SGCZ: variants seen among roughly 807,000 people sequenced by gnomAD.
The protein encoded by SGCZ is sarcoglycan zeta.
In SGCZ, 40 loss-of-function variants were observed where a neutral mutation model predicts 41.3. The ratio of observed to expected loss-of-function variants is 0.97; its 90% CI spans 0.75 to 1.26. The LOEUF is 1.26. Ranked by LOEUF, SGCZ falls within the 50% of genes most tolerant of loss-of-function variation. The probability of loss-of-function intolerance (pLI) is 0.00; values close to 1 mark genes in which losing one functional copy is unlikely to be tolerated. For missense variants in SGCZ, 552 were observed against 369.8 expected, an observed-to-expected ratio of 1.49 and a Z score of -4.04; for synonymous variants, 206 against 137.5, an observed-to-expected ratio of 1.50 and a Z score of -3.49.
At chr8:14,250,490 T>C (rs914429536) in intron 3 of SGCZ, among the ~76,000 whole-genome samples, 4 of 152,104 alleles carry the variant, frequency 2.6e-5, no homozygotes, top group Admixed American at 2.0e-4. Context: ...GCAGAAGTGA[T>C]ATAGGACATT....
At chr8:14,359,881 A>G (rs1389809105) in intron 2 of SGCZ, among the ~76,000 whole-genome samples, 28 of 152,186 alleles carry the variant, frequency 1.8e-4, no homozygotes, top group African/African-American at 2.4e-5. Context: ...ATGCTGGCAA[A>G]TCAAATTCAT....
At chr8:14,798,469 C>G (rs894783359) in intron 1 of SGCZ, among the ~76,000 whole-genome samples, 4 of 151,952 alleles carry the variant, frequency 2.6e-5, no homozygotes, top group Non-Finnish European at 4.4e-5. Context: ...ATGCAACTTA[C>G]AGAAGACAGA....
At chr8:14,561,219 T>G (rs1182615717) in intron 1 of SGCZ, among the ~76,000 whole-genome samples, 3 of 152,182 alleles carry the variant, frequency 2.0e-5, no homozygotes, top group African/African-American at 7.2e-5. Context: ...ATTGCCATTT[T>G]TAAGCATTAA....
Position 14,528,683 on chromosome 8 carries a change from C to T in SGCZ, c.234+26049G>A, listed in dbSNP as rs542729788. 2.6e-5 allele frequency among the ~76,000 whole-genome samples: 4 copies of T among 152,024 alleles called. No homozygotes were observed. In the East Asian group the frequency reaches 7.8e-4, roughly 30 times the overall value. ...AATCACTTATATGAGAAAACTGATA[C>T]TTGCAGCGGGAAGAAGCTGAGGTTG... On this transcript the variant is annotated intron_variant, in intron 2 of 7. Transcript: ENST00000382080.
At chr8:14,525,615 T>C (rs1802922959) in intron 2 of SGCZ, among the ~76,000 whole-genome samples, 1 of 152,140 alleles carries the variant, frequency 6.6e-6, no homozygotes, top group African/African-American at 2.4e-5. Context: ...CACTCATATA[T>C]ACTTCTTGAC....
At chr8:14,982,212 G>A (rs535195056) in intron 1 of SGCZ, among the ~76,000 whole-genome samples, 1 of 151,938 alleles carries the variant, frequency 6.6e-6, no homozygotes, top group Admixed American at 6.6e-5. Context: ...AGACTGAAAT[G>A]GATCATTTTT....
intron 1 of SGCZ, among the ~76,000 whole-genome samples, chr8:14,665,447 A>G (rs1807880184): frequency 6.6e-6 from 1 of 152,062 alleles, no homozygotes; most frequent in Non-Finnish European, 1.5e-5. Flanking sequence ...AGTCTTTGCT[A>G]TTGTGAATAG....
rs1176527926 is a variant in SGCZ, at chr8:14,110,556, G to A, written c.548-2321C>T. On this transcript the variant is annotated intron_variant, in intron 5 of 7. Transcript: ENST00000382080. ...AGAAATAAATATGTAATCATACCAC[G>A]TAAAGGGCGAAATTTTAAACTAAAT... Among the ~76,000 whole-genome samples, 9 of 152,024 alleles carry A rather than the reference G, an allele frequency of 5.9e-5. No homozygotes were observed. The South Asian group carries it at 6.2e-4, about 11-fold the overall frequency.
chr8:14,576,727 T>C (rs185179724), intron 1 of SGCZ, among the ~76,000 whole-genome samples: 1 of 152,278 alleles, frequency 6.6e-6, no homozygotes, highest in African/African-American at 2.4e-5. Flanking sequence ...TGCAATTTCC[T>C]TGGACAGCAT....
chr8:14,455,279 A>T (rs1015293433), intron 2 of SGCZ, among the ~76,000 whole-genome samples: 3 of 152,266 alleles, frequency 2.0e-5, no homozygotes, highest in Admixed American at 6.5e-5. Context: ...AAAAAAGTAA[A>T]AAATCATAGT....
chr8:14,823,208 A>T (rs1334200358), intron 1 of SGCZ, among the ~76,000 whole-genome samples: 4 of 152,162 alleles, frequency 2.6e-5, no homozygotes, highest in Non-Finnish European at 5.9e-5. Flanking sequence ...AGCACAGGTA[A>T]CAAAAGCAAA....
intron 1 of SGCZ, among the ~76,000 whole-genome samples, chr8:14,688,070 G>A (rs1007758954): frequency 6.6e-6 from 1 of 152,124 alleles, no homozygotes; most frequent in Non-Finnish European, 1.5e-5. Flanking sequence ...ATTTGTTTGA[G>A]TCCATTGTAG....
intron 2 of SGCZ, among the ~76,000 whole-genome samples, chr8:14,483,079 T>G (rs898955208): frequency 6.6e-6 from 1 of 152,166 alleles, no homozygotes; most frequent in Admixed American, 6.5e-5. Context: ...TTCCACAGGC[T>G]CTATCTCTTA....
At chr8:14,425,716 A>T (rs1799763039) in intron 2 of SGCZ, among the ~76,000 whole-genome samples, 1 of 152,130 alleles carries the variant, frequency 6.6e-6, no homozygotes, top group Non-Finnish European at 1.5e-5. Context: ...TTACTTATAC[A>T]ATTTTGCTAT....
intron 2 of SGCZ, among the ~76,000 whole-genome samples, chr8:14,449,109 AG>A (rs1473062464): frequency 6.6e-6 from 1 of 152,200 alleles, no homozygotes; most frequent in Admixed American, 6.5e-5. Flanking sequence ...CCTGCAGCCC[AG>A]GCATAGCAAA....
intron 1 of SGCZ, among the ~76,000 whole-genome samples, chr8:14,979,359 C>CT (rs1354857141): frequency 1.3e-5 from 2 of 152,090 alleles, no homozygotes; most frequent in Non-Finnish European, 1.5e-5. Flanking sequence ...TTATATTAAA[C>CT]TATCTGCATC....
chr8:14,626,081 A>T (rs551636357), intron 1 of SGCZ, among the ~76,000 whole-genome samples: 1 of 152,282 alleles, frequency 6.6e-6, no homozygotes, highest in Non-Finnish European at 1.5e-5. Context: ...GAGTCCACAA[A>T]ATGTCAAATG....
At chr8:14,466,134 T>G (rs1400872698) in intron 2 of SGCZ, among the ~76,000 whole-genome samples, 2 of 152,006 alleles carry the variant, frequency 1.3e-5, no homozygotes, top group African/African-American at 4.8e-5. Context: ...GAGCATTTCC[T>G]GCAGAGCAGG....
chr8:14,155,734 A>C (rs193295946), intron 5 of SGCZ, among the ~76,000 whole-genome samples: 123 of 151,354 alleles, frequency 8.1e-4, no homozygotes, highest in African/African-American at 2.7e-3. Flanking sequence ...ATACAAAGGC[A>C]TATATCTAAA....
Sources: allele counts gnomAD v4.1 joint callset (sites outside exome capture counted in the v4.1 genomes callset), GRCh38; gene constraint gnomAD v4.1.1; transcripts MANE v1.5; gene names NCBI Gene and HGNC (gene_info 2026-07-23, HGNC 2026-07-21).